GALNT17: variants seen among roughly 807,000 people sequenced by gnomAD.
GALNT17 encodes the protein polypeptide N-acetylgalactosaminyltransferase 17, also known as UDP-GalNAc:polypeptide N-acetylgalactosaminyltransferase-like 3.
Under a neutral mutation model 63.7 loss-of-function variants are expected in GALNT17, and 29 were observed. That is an observed-to-expected ratio of 0.46 (90% CI 0.34 to 0.62). GALNT17 has a LOEUF of 0.62. GALNT17 is among the 20% of genes least tolerant of loss of function. The pLI is 0.01. For missense variants in GALNT17, 603 were observed against 799.6 expected, an observed-to-expected ratio of 0.75 and a Z score of 2.97; for synonymous variants, 305 against 318.3, an observed-to-expected ratio of 0.96 and a Z score of 0.45.
chr7:71,608,093 G>A (rs959372646), intron 6 of GALNT17, among the ~76,000 whole-genome samples: 6 of 152,084 alleles, frequency 3.9e-5, no homozygotes, highest in African/African-American at 1.4e-4. Flanking sequence ...GTTTTCCCCA[G>A]GAAAGTTCTG....
chr7:71,266,449 A>G (rs1922510), intron 1 of GALNT17, among the ~76,000 whole-genome samples: 73,013 of 152,010 alleles, frequency 0.48, 18,234 homozygotes, highest in Non-Finnish European at 0.54. Context: ...CTGCTCTGCC[A>G]TGGTAAGGCG....
At chr7:71,484,891 T>C (rs896948865) in intron 5 of GALNT17, among the ~76,000 whole-genome samples, 24 of 142,420 alleles carry the variant, frequency 1.7e-4, no homozygotes, top group Non-Finnish European at 2.3e-4. Flanking sequence ...CTCCACCTCC[T>C]GGGTTCAAGC....
chr7:71,635,486 T>G (rs928219717), intron 6 of GALNT17, among the ~76,000 whole-genome samples: 6 of 152,170 alleles, frequency 3.9e-5, no homozygotes, highest in Admixed American at 6.5e-5. Context: ...TTGAGGGGCC[T>G]TAGAATTTCA....
chr7:71,271,156 A>T (rs921869742), intron 1 of GALNT17, among the ~76,000 whole-genome samples: 5 of 152,198 alleles, frequency 3.3e-5, no homozygotes, highest in Non-Finnish European at 7.3e-5. Context: ...GAGAATCACG[A>T]TCTGGTGCCA....
At chr7:71,230,847 G>C (rs910129728) in intron 1 of GALNT17, among the ~76,000 whole-genome samples, 6 of 152,102 alleles carry the variant, frequency 3.9e-5, no homozygotes, top group Non-Finnish European at 4.4e-5. Context: ...GGTTTTCAAA[G>C]TGTGTGCCCC....
chr7:71,429,810 G>A (rs975758315), intron 5 of GALNT17, among the ~76,000 whole-genome samples: 10 of 152,148 alleles, frequency 6.6e-5, no homozygotes, highest in African/African-American at 2.2e-4. Context: ...GGGTTCAAGC[G>A]ATTCTCCTAC....
intron 6 of GALNT17, among the ~76,000 whole-genome samples, chr7:71,600,946 T>A (rs190488784): frequency 2.6e-4 from 39 of 152,122 alleles, no homozygotes; most frequent in Middle Eastern, 6.8e-3. Flanking sequence ...CCAAAGTCCA[T>A]TGTATCATTC....
chr7:71,528,781 A>C (rs1189221009), intron 5 of GALNT17, among the ~76,000 whole-genome samples: 1 of 152,164 alleles, frequency 6.6e-6, no homozygotes. Context: ...GATTGAAATA[A>C]AGTAAAAACA....
chr7:71,289,725 CAA>C (rs2115808384), intron 1 of GALNT17, among the ~76,000 whole-genome samples: 1 of 151,984 alleles, frequency 6.6e-6, no homozygotes, highest in South Asian at 2.1e-4. Context: ...ACTAAAAAAA[CAA>C]AATTAGCCAG....
intron 1 of GALNT17, among the ~76,000 whole-genome samples, chr7:71,326,490 G>C (rs1247386107): frequency 6.6e-6 from 1 of 151,996 alleles, no homozygotes; most frequent in Non-Finnish European, 1.5e-5. Context: ...GAGAGAGAGA[G>C]AGGATCTCCT....
chr7:71,363,937 C>T (rs1394074961), intron 2 of GALNT17, among the ~76,000 whole-genome samples: 1 of 152,186 alleles, frequency 6.6e-6, no homozygotes, highest in Non-Finnish European at 1.5e-5. Flanking sequence ...AGTAAGGTTA[C>T]AGTCCACTAT....
At chr7:71,480,204 C>CT (rs1787794416) in intron 5 of GALNT17, among the ~76,000 whole-genome samples, 1 of 122,110 alleles carries the variant, frequency 8.2e-6, no homozygotes, top group Admixed American at 1.1e-4. Flanking sequence ...CTCTCTCTGT[C>CT]ACTCAGGCTG....
chr7:71,190,545 A>G (rs1471056208), intron 1 of GALNT17, among the ~76,000 whole-genome samples: 2 of 152,184 alleles, frequency 1.3e-5, no homozygotes, highest in South Asian at 4.1e-4. Flanking sequence ...AGCCAATTCA[A>G]TCTCTTTTCT....
intron 5 of GALNT17, among the ~76,000 whole-genome samples, chr7:71,533,158 C>T (rs1372186494): frequency 6.6e-6 from 1 of 152,146 alleles, no homozygotes; most frequent in Non-Finnish European, 1.5e-5. Context: ...CAGGAACCAA[C>T]ACAAGTTAGT....
At chr7:71,261,644 C>A (rs1219201982) in intron 1 of GALNT17, among the ~76,000 whole-genome samples, 1 of 152,092 alleles carries the variant, frequency 6.6e-6, no homozygotes, top group Non-Finnish European at 1.5e-5. Context: ...GCTTCGTGTG[C>A]CTTGAATCCC....
chr7:71,362,616 TG>T (rs774266778), intron 2 of GALNT17, among the ~76,000 whole-genome samples: 2 of 152,202 alleles, frequency 1.3e-5, no homozygotes, highest in Non-Finnish European at 2.9e-5. Context: ...CCCACGTGGC[TG>T]TGTGATTCAG....
intron 2 of GALNT17, among the ~76,000 whole-genome samples, chr7:71,368,065 C>T (rs547784926): frequency 1.3e-3 from 195 of 151,438 alleles, no homozygotes; most frequent in African/African-American, 4.6e-3. Context: ...ATCTCTGGGG[C>T]CGTGGGAGGA....
intron 5 of GALNT17, among the ~76,000 whole-genome samples, chr7:71,506,290 G>A (rs745983550): frequency 5.9e-5 from 9 of 151,998 alleles, no homozygotes; most frequent in Non-Finnish European, 1.2e-4. Flanking sequence ...ATTTTGAGAT[G>A]GAGTCTTGCT....
intron 1 of GALNT17, among the ~76,000 whole-genome samples, chr7:71,319,122 C>CTTTCTTTCT (rs1241022535): frequency 1.3e-5 from 2 of 151,398 alleles, no homozygotes; most frequent in African/African-American, 4.9e-5. Flanking sequence ...TTCTTTCTTT[C>CTTTCTTTCT]TTTTTTTTGT....
Sources: allele counts gnomAD v4.1 joint callset (sites outside exome capture counted in the v4.1 genomes callset), GRCh38; gene constraint gnomAD v4.1.1; transcripts MANE v1.5; gene names NCBI Gene and HGNC (gene_info 2026-07-23, HGNC 2026-07-21).